The following GUCY1A2 variants were observed in gnomAD, a reference collection of about 807,000 sequenced individuals.
The protein encoded by GUCY1A2 is guanylate cyclase soluble subunit alpha-2.
GUCY1A2 carries 27 observed loss-of-function variants against 63.5 expected under a neutral mutation model. The ratio of observed to expected loss-of-function variants is 0.43; its 90% CI spans 0.31 to 0.59. GUCY1A2 has a LOEUF of 0.59. Among genes scored for constraint, GUCY1A2 ranks in the 20% least tolerant of loss-of-function variants. The pLI is 0.11. For synonymous variants in GUCY1A2, 364 were observed against 343.5 expected, an observed-to-expected ratio of 1.06 and a Z score of -0.66; for missense variants, 768 against 913.3, an observed-to-expected ratio of 0.84 and a Z score of 2.05.
intron 4 of GUCY1A2, among the ~76,000 whole-genome samples, chr11:106,816,020 T>C (rs947938295): frequency 6.6e-6 from 1 of 151,980 alleles, no homozygotes; most frequent in Non-Finnish European, 1.5e-5. Context: ...TGTTTTAAGC[T>C]ACCAAGTTTG....
At chr11:106,785,373 A>G (rs1320264919) in intron 5 of GUCY1A2, among the ~76,000 whole-genome samples, 1 of 151,868 alleles carries the variant, frequency 6.6e-6, no homozygotes, top group African/African-American at 2.4e-5. Context: ...TTCTTTCCTG[A>G]TTTCTGGATC....
chr11:106,944,477 G>A (rs1385565571), intron 3 of GUCY1A2, among the ~76,000 whole-genome samples: 1 of 151,834 alleles, frequency 6.6e-6, no homozygotes, highest in African/African-American at 2.4e-5. Context: ...GTAAATGTCA[G>A]GAAGCATTCA....
intron 4 of GUCY1A2, among the ~76,000 whole-genome samples, chr11:106,832,230 C>A (rs755330353): frequency 6.1e-4 from 92 of 152,020 alleles, no homozygotes; most frequent in Non-Finnish European, 7.1e-4. Flanking sequence ...GGTTTTAAAG[C>A]CTTTCAAGTA....
chr11:106,873,209 A>G (rs1324242018), intron 4 of GUCY1A2, among the ~76,000 whole-genome samples: 1 of 152,082 alleles, frequency 6.6e-6, no homozygotes, highest in East Asian at 1.9e-4. Context: ...TTGCTATTAT[A>G]AATAGTGCTG....
rs1158684496 is a variant in GUCY1A2 at position 106,687,334 on chromosome 11, A to G, written c.*215T>C. The G allele has an allele frequency of 7.1e-6, 4 of 563,146 alleles. No homozygotes were observed. Among genetic ancestry groups the G allele is most frequent in the Non-Finnish European group, 1.3e-5 (4 of 314,380 alleles). 34.9% of individuals were successfully genotyped at this position (563,146 alleles called of 1,614,324 possible). On this transcript the variant is annotated 3_prime_UTR_variant, in exon 8 of 8. Transcript: ENST00000526355. ...TATATATATGACCAAAACCACTCAT[A>G]TGAATGGACACATCTTATTTCCCTC...
At chr11:106,705,692 C>G (rs1862896493) in intron 7 of GUCY1A2, among the ~76,000 whole-genome samples, 1 of 151,986 alleles carries the variant, frequency 6.6e-6, no homozygotes, top group South Asian at 2.1e-4. Flanking sequence ...AACCCCGTCT[C>G]TACTAAAAAT....
At chr11:106,929,800 A>G (rs1860576913) in intron 4 of GUCY1A2, among the ~76,000 whole-genome samples, 1 of 152,172 alleles carries the variant, frequency 6.6e-6, no homozygotes, top group Non-Finnish European at 1.5e-5. Context: ...TTCTTATAAC[A>G]TCTATTCTTT....
chr11:107,008,774 C>G (rs562797444), intron 1 of GUCY1A2, among the ~76,000 whole-genome samples: 2 of 152,122 alleles, frequency 1.3e-5, no homozygotes, highest in Non-Finnish European at 2.9e-5. Flanking sequence ...TGACAGAAAT[C>G]ACGATATATA....
intron 4 of GUCY1A2, among the ~76,000 whole-genome samples, chr11:106,932,938 C>A (rs953011815): frequency 9.9e-5 from 15 of 152,012 alleles, no homozygotes; most frequent in African/African-American, 3.6e-4. Context: ...AAATGGGACC[C>A]CTGCCTTTTA....
At chr11:106,942,690 T>C (rs114589024) in intron 3 of GUCY1A2, among the ~76,000 whole-genome samples, 315 of 152,320 alleles carry the variant, frequency 2.1e-3, no homozygotes, top group African/African-American at 7.4e-3. Flanking sequence ...CTCACAGTTA[T>C]GGTGCACACA....
At chr11:106,971,992 G>A (rs1861201351) in intron 3 of GUCY1A2, among the ~76,000 whole-genome samples, 1 of 152,034 alleles carries the variant, frequency 6.6e-6, no homozygotes, top group Non-Finnish European at 1.5e-5. Context: ...GGCCAATGAT[G>A]GGCATATTGC....
chr11:106,826,441 C>G, intron 4 of GUCY1A2: 1 of 1,573,624 alleles, frequency 6.4e-7, no homozygotes, highest in Non-Finnish European at 8.7e-7. Context: ...CAGATCTTCT[C>G]CATATGATGA....
intron 5 of GUCY1A2, among the ~76,000 whole-genome samples, chr11:106,800,691 G>A (rs1864859322): frequency 6.6e-6 from 1 of 151,976 alleles, no homozygotes; most frequent in Non-Finnish European, 1.5e-5. Context: ...TGAACAATGA[G>A]AATACTTGGA....
chr11:106,938,085 C>G (rs1340692794), intron 4 of GUCY1A2, among the ~76,000 whole-genome samples: 2 of 151,926 alleles, frequency 1.3e-5, no homozygotes, highest in Non-Finnish European at 2.9e-5. Context: ...TTACAGGCAC[C>G]CGCCACCATG....
intron 3 of GUCY1A2, among the ~76,000 whole-genome samples, chr11:106,976,050 G>A (rs554384096): frequency 1.3e-5 from 2 of 152,114 alleles, no homozygotes; most frequent in East Asian, 3.9e-4. Context: ...ATGACTTCAA[G>A]TCTTTTTTGA....
chr11:106,940,007 A>G lies in GUCY1A2; in HGVS notation c.659T>C (p.Leu220Pro), dbSNP rs1860731897. 1 of 1,614,012 alleles carries G rather than the reference A, an allele frequency of 6.2e-7. No homozygotes were observed. The highest frequency in any genetic ancestry group is 1.1e-5 in the South Asian group (1 of 91,090). ...TTTGCATAGGAAAGATGGTGACTCCAGAGTGGCCTGTTTTCCAAAAGAAGT... is the reference window on the plus strand; with the variant it reads ...TTTGCATAGGAAAGATGGTGACTCCGGAGTGGCCTGTTTTCCAAAAGAAGT... Reference protein sequence around the residue: ...IRTSFGKQATLESPSFLCKEL... With the variant: ...IRTSFGKQATPESPSFLCKEL... The change falls in exon 4 of 8, where the codon CTG becomes CCG. Residue 220 changes from leucine (L) to proline (P), a missense_variant. By Grantham distance (98) the Leu-to-Pro change is moderately conservative. Coordinates refer to ENST00000526355, the MANE Select transcript of GUCY1A2 (RefSeq NM_000855.3).
chr11:106,986,779 C>T (rs1458146120), intron 1 of GUCY1A2, among the ~76,000 whole-genome samples: 2 of 152,084 alleles, frequency 1.3e-5, no homozygotes, highest in Admixed American at 1.3e-4. Flanking sequence ...CCTCCATGTC[C>T]CAAGAGAATT....
intron 4 of GUCY1A2, among the ~76,000 whole-genome samples, chr11:106,838,547 C>T (rs922342781): frequency 1.2e-4 from 18 of 151,802 alleles, no homozygotes; most frequent in South Asian, 2.1e-4. Context: ...TATAAGCAGC[C>T]GCAGACCATG....
intron 3 of GUCY1A2, among the ~76,000 whole-genome samples, chr11:106,961,267 T>C (rs1211069506): frequency 6.6e-6 from 1 of 151,800 alleles, no homozygotes; most frequent in Non-Finnish European, 1.5e-5. Context: ...AAGAAAAATA[T>C]GTGACATAGG....
Sources: allele counts gnomAD v4.1 joint callset (sites outside exome capture counted in the v4.1 genomes callset), GRCh38; gene constraint gnomAD v4.1.1; transcripts MANE v1.5; gene names NCBI Gene and HGNC (gene_info 2026-07-23, HGNC 2026-07-21).